DNAH3: variants seen among roughly 807,000 people sequenced by gnomAD.
The protein encoded by DNAH3 is axonemal beta dynein heavy chain 3.
Under a neutral mutation model 432.5 loss-of-function variants are expected in DNAH3, and 332 were observed. That is an observed-to-expected ratio of 0.77 (90% CI 0.70 to 0.84). DNAH3 has a LOEUF of 0.84. Ranked by LOEUF, DNAH3 falls within the 40% of genes least tolerant of loss-of-function variation. DNAH3 has a pLI of 0.00. For synonymous variants in DNAH3, 1,956 were observed against 1,900.2 expected, an observed-to-expected ratio of 1.03 and a Z score of -0.76; for missense variants, 4,861 against 5,114.0, an observed-to-expected ratio of 0.95 and a Z score of 1.51.
At chr16:20,971,938 GA>G (rs1333853521) in intron 51 of DNAH3, among the ~76,000 whole-genome samples, 1 of 152,200 alleles carries the variant, frequency 6.6e-6, no homozygotes, top group Non-Finnish European at 1.5e-5. Flanking sequence ...CCATTTTGTA[GA>G]TGAAGAAACT....
chr16:20,985,022 G>A (rs1277588037), intron 48 of DNAH3, 27 bp downstream of exon 48: 3 of 1,553,714 alleles, frequency 1.9e-6, no homozygotes, highest in Non-Finnish European at 2.6e-6. Context: ...AGAAGAACAA[G>A]GGCAAATGGA....
At chr16:20,988,625 T>C (rs780597450) in intron 44 of DNAH3, among the ~76,000 whole-genome samples, 1 of 152,162 alleles carries the variant, frequency 6.6e-6, no homozygotes, top group Non-Finnish European at 1.5e-5. Flanking sequence ...TTTTAAAAGA[T>C]AAAGGCAATA....
intron 59 of DNAH3, among the ~76,000 whole-genome samples, chr16:20,937,393 G>C (rs189704886): frequency 2.0e-5 from 3 of 152,094 alleles, no homozygotes. Context: ...CTAGATTGTT[G>C]TCACTATCAA....
In DNAH3 at chr16:20,965,170, C is replaced by T. The variant is rs753758237; in HGVS notation, c.8714G>A (p.Arg2905Gln). 2.2e-5 allele frequency: 35 copies of T among 1,613,954 alleles called. No homozygotes were observed. In the East Asian group the frequency reaches 2.5e-4, roughly 11 times the overall value. Residue 2905 changes from arginine to glutamine, a missense_variant, in exon 53 of 62, where the codon CGG becomes CAG. Transcript: ENST00000261383. ...CCCCTCTGCCTCCCTCAGTCGCTCCCGTTTGGGAGCCACCACCTTGGCCAC... is the reference window on the plus strand; with the variant it reads ...CCCCTCTGCCTCCCTCAGTCGCTCCTGTTTGGGAGCCACCACCTTGGCCAC...
At chr16:21,051,846 T>G in exon 29 of DNAH3, 1 of 1,614,120 alleles carries the variant, frequency 6.2e-7, no homozygotes, top group East Asian at 2.2e-5. Context: ...TGTCCTCAGA[T>G]AACTTGGCCA....
At chr16:21,145,366 C>T (rs371453732) in exon 3 of DNAH3, 28 of 1,614,036 alleles carry the variant, frequency 1.7e-5, no homozygotes, top group Admixed American at 1.7e-4. Flanking sequence ...CCATGACGTG[C>T]GTTGCATCAA....
At chr16:20,973,118 G>A (rs2085421246) in intron 51 of DNAH3, among the ~76,000 whole-genome samples, 1 of 152,140 alleles carries the variant, frequency 6.6e-6, no homozygotes, top group African/African-American at 2.4e-5. Context: ...TCTGTTAAGT[G>A]GGGGCATAGG....
At chr16:20,944,703 C>G in intron 57 of DNAH3, 40 bp from the exon 58 acceptor site, 1 of 1,604,014 alleles carries the variant, frequency 6.2e-7, no homozygotes, top group East Asian at 2.2e-5. Flanking sequence ...CGAGGGACCC[C>G]AGAATCCCAC....
chr16:21,154,928 C>G (rs74012119), intron 1 of DNAH3, among the ~76,000 whole-genome samples: 5,753 of 151,230 alleles, frequency 0.038, 177 homozygotes, highest in East Asian at 0.18. Flanking sequence ...CTTCAAGTTT[C>G]TCAATCTTCT....
chr16:21,040,276 T>C (rs2089373142), intron 32 of DNAH3, among the ~76,000 whole-genome samples: 1 of 151,096 alleles, frequency 6.6e-6, no homozygotes, highest in Non-Finnish European at 1.5e-5. Flanking sequence ...CTGTTGGAGC[T>C]TCCCAGTGTT....
intron 47 of DNAH3, among the ~76,000 whole-genome samples, chr16:20,986,273 G>A (rs375946619): frequency 1.2e-4 from 18 of 152,156 alleles, no homozygotes; most frequent in African/African-American, 4.3e-4. Flanking sequence ...GGGAGGCCGA[G>A]GCAGAAGGAT....
intron 23 of DNAH3, among the ~76,000 whole-genome samples, chr16:21,067,774 A>G (rs62034926): frequency 9.2e-3 from 365 of 39,686 alleles, no homozygotes; most frequent in Admixed American, 0.012. Context: ...GGGGGTGGGG[A>G]GGGAGAGAGA....
intron 19 of DNAH3, among the ~76,000 whole-genome samples, chr16:21,083,861 CG>C (rs1211317415): frequency 6.6e-6 from 1 of 152,090 alleles, no homozygotes; most frequent in East Asian, 1.9e-4. Flanking sequence ...AGGGGCAGTC[CG>C]GAGAGTATCT....
intron 1 of DNAH3, among the ~76,000 whole-genome samples, chr16:21,153,967 C>T (rs540119601): frequency 1.3e-5 from 2 of 152,180 alleles, no homozygotes; most frequent in Admixed American, 6.5e-5. Flanking sequence ...CATACGGTTT[C>T]AAATAGCATT....
At chr16:21,153,613 G>A (rs376749586) in intron 1 of DNAH3, among the ~76,000 whole-genome samples, 26 of 152,166 alleles carry the variant, frequency 1.7e-4, no homozygotes, top group South Asian at 6.2e-4. Flanking sequence ...GGTTCATGCC[G>A]CCTTAATAGC....
exon 42 of DNAH3, chr16:21,003,168 C>T (rs752196229): frequency 1.2e-6 from 2 of 1,611,742 alleles, no homozygotes; most frequent in East Asian, 2.2e-5. Flanking sequence ...TTCCCAATGT[C>T]CACTAGCTTG....
chr16:20,963,549 T>G, exon 53 of DNAH3: 1 of 1,614,084 alleles, frequency 6.2e-7, no homozygotes, highest in Non-Finnish European at 8.5e-7. Context: ...TCAGCTTCCA[T>G]TCACCCAGGT....
intron 18 of DNAH3, among the ~76,000 whole-genome samples, chr16:21,095,382 C>T (rs546591037): frequency 6.6e-6 from 1 of 152,312 alleles, no homozygotes; most frequent in South Asian, 2.1e-4. Flanking sequence ...TGACCTATTG[C>T]TACATCCAAC....
intron 49 of DNAH3, among the ~76,000 whole-genome samples, chr16:20,980,343 TA>T (rs1567572476): frequency 8.9e-6 from 1 of 112,796 alleles, no homozygotes; most frequent in Non-Finnish European, 2.0e-5. Context: ...TATATTTTAT[TA>T]TATTTATTTA....
Sources: allele counts gnomAD v4.1 joint callset (sites outside exome capture counted in the v4.1 genomes callset), GRCh38; gene constraint gnomAD v4.1.1; transcripts MANE v1.5; gene names NCBI Gene and HGNC (gene_info 2026-07-23, HGNC 2026-07-21).